DOK1: variants seen among roughly 807,000 people sequenced by gnomAD.
DOK1 encodes docking protein 1.
A neutral mutation model predicts 24.0 loss-of-function variants in DOK1; 12 were observed. That is an observed-to-expected ratio of 0.50 (90% CI 0.32 to 0.81). The LOEUF (loss-of-function observed/expected upper bound fraction) is 0.81, where lower values mean the gene tolerates loss of function less well. DOK1 is among the 30% of genes least tolerant of loss of function. The probability of loss-of-function intolerance (pLI) is 0.03; values close to 1 mark genes in which losing one functional copy is unlikely to be tolerated. For synonymous variants in DOK1, 250 were observed against 260.9 expected, an observed-to-expected ratio of 0.96 and a Z score of 0.40; for missense variants, 591 against 620.7, an observed-to-expected ratio of 0.95 and a Z score of 0.51.
rs1558637651 is a variant in DOK1, at chr2:74,556,621, CCTTGGACAG to C, written c.955_963del (p.Leu319_Ser321del). ...TCCCAGGACTCCCTATACTCAGACCCCTTGGACAGCACGTCTGCTCAGGCAGGAGAGGGA... is the reference window on the plus strand; with the variant it reads ...TCCCAGGACTCCCTATACTCAGACCCCACGTCTGCTCAGGCAGGAGAGGGA... On this transcript the variant is annotated inframe_deletion, in exon 5 of 5. Transcript: ENST00000233668. This position sits in a 1 kb window ranked among gnomAD's most constrained non-coding sequence, Gnocchi z 4.1. 2.5e-6 allele frequency: 4 copies of C among 1,614,262 alleles called. No homozygotes were observed. The highest frequency in any genetic ancestry group is 1.6e-4 in the Middle Eastern group (1 of 6,062).
At chr2:74,550,358 G>C, upstream of DOK1, 1 of 1,611,524 alleles carries the variant, frequency 6.2e-7, no homozygotes, top group Non-Finnish European at 8.5e-7. Context: ...CCTGTGGAAG[G>C]GGAGATGAAG....
chr2:74,555,275 A>T lies in DOK1; in HGVS notation c.182A>T (p.Asp61Val). The T allele has an allele frequency of 6.2e-7, 1 of 1,614,004 alleles. No homozygotes were observed. The highest frequency in any genetic ancestry group is 8.5e-7 in the Non-Finnish European group (1 of 1,179,998). ...GGGRGSSRRL[D>V]CKVIRLAECV... is the part of the protein sequence containing the mutation. ...GGCCGAGGGAGCTCGCGCCGCCTGGACTGCAAAGTGATCCGTCTGGCTGAG... is the reference window on the plus strand; with the variant it reads ...GGCCGAGGGAGCTCGCGCCGCCTGGTCTGCAAAGTGATCCGTCTGGCTGAG... Residue 61 changes from aspartate (D) to valine (V), a missense_variant, in exon 2 of 5, where the codon GAC (aspartate) becomes GTC (valine). Coordinates refer to ENST00000233668, the MANE Select transcript of DOK1 (RefSeq NM_001381.5). This position sits in a 1 kb window ranked among gnomAD's most constrained non-coding sequence, Gnocchi z 6.1.
At position 74,556,691 on chromosome 2, in the gene DOK1, T is replaced by C; in HGVS notation, c.1023T>C (p.Tyr341=). 1 of 1,614,246 alleles carries C rather than the reference T, an allele frequency of 6.2e-7. No individual in the cohort carries two copies. Among genetic ancestry groups the C allele is most frequent in the Non-Finnish European group, 8.5e-7 (1 of 1,180,048 alleles). Residue 341 remains tyrosine (Y), a synonymous_variant, in exon 5 of 5, where the codon TAT becomes TAC. Transcript: ENST00000233668. This position sits in a 1 kb window ranked among gnomAD's most constrained non-coding sequence, Gnocchi z 4.1. The part of the protein sequence containing the change: ...QRKKPLYWDL[Y]EHAQQQLLKA... ...AGAAACCTCTCTATTGGGACTTGTA[T>C]GAGCATGCGCAGCAGCAGTTGCTGA...
chr2:74,552,182 G>GTTTGTCA, upstream of DOK1: 1 of 769,608 alleles, frequency 1.3e-6, no homozygotes, highest in Middle Eastern at 3.9e-4. Flanking sequence ...ATGTTGCTTG[G>GTTTGTCA]TTTGTCATCC....
At chr2:74,554,395 C>A (rs925210114), upstream of DOK1, 3 of 258,660 alleles carry the variant, frequency 1.2e-5, no homozygotes, top group Non-Finnish European at 2.2e-5. The surrounding 1 kb of genome is among the most constrained non-coding windows in gnomAD (Gnocchi z 4.9). Context: ...CTCTCCGGTG[C>A]CCGGGGCGCT....
At chr2:74,550,029 A>AC (rs976575420), upstream of DOK1, 1 of 985,308 alleles carries the variant, frequency 1.0e-6, no homozygotes, top group Admixed American at 6.1e-5. Flanking sequence ...GTTGGATTTT[A>AC]CAGCATCTGG....
rs910621810 is a variant in DOK1, at chr2:74,554,768, T to A, written c.14T>A (p.Val5Glu). 2.5e-6 allele frequency: 4 copies of A among 1,613,128 alleles called. No homozygotes were observed. In the African/African-American group the frequency reaches 5.3e-5, roughly 22 times the overall value. ...CCGCCGGGGGCCATGGACGGAGCAG[T>A]GATGGAAGGGCCGCTTTTTTTGCAG... MDGA[V>E]MEGPLFLQSQ... Residue 5 changes from valine (V) to glutamate (E), a missense_variant, in exon 1 of 5, where the codon GTG (valine) becomes GAG (glutamate). Val to Glu is a moderately radical substitution (Grantham distance 121). Coordinates refer to ENST00000233668, the MANE Select transcript of DOK1 (RefSeq NM_001381.5). This position sits in a 1 kb window ranked among gnomAD's most constrained non-coding sequence, Gnocchi z 4.9.
upstream of DOK1, among the ~76,000 whole-genome samples, chr2:74,553,659 A>G (rs1385790803): frequency 2.0e-5 from 3 of 151,924 alleles, no homozygotes; most frequent in Non-Finnish European, 2.9e-5. Context: ...CCCCTCCCTT[A>G]GGGCGCTCCT....
chr2:74,551,764 G>T (rs1194440704), upstream of DOK1, among the ~76,000 whole-genome samples: 1 of 152,264 alleles, frequency 6.6e-6, no homozygotes, highest in African/African-American at 2.4e-5. Flanking sequence ...CCCACTGTGG[G>T]TTCATACCAT....
rs1404246132 is a variant in DOK1 at position 74,555,417 on chromosome 2, A to C, written c.324A>C (p.Ala108=). The C allele has an allele frequency of 6.2e-7, 1 of 1,611,250 alleles. No homozygotes were observed. The stretch of plus-strand genomic sequence containing the variant: ...TGGCGGCCGACGCGCCGTCCAGTGC[A>C]GCCTGGGTGCAGACGCTGTGCCGAA... ...HLLAADAPSS[A]AWVQTLCRNA... is the part of the protein sequence containing the mutation. The change falls in exon 2 of 5, where the codon GCA becomes GCC. Residue 108 remains alanine (A), a synonymous_variant. Coordinates refer to ENST00000233668, the MANE Select transcript of DOK1 (RefSeq NM_001381.5). This position sits in a 1 kb window ranked among gnomAD's most constrained non-coding sequence, Gnocchi z 6.1.
chr2:74,552,335 A>G (rs1313880581), upstream of DOK1: 3 of 1,599,192 alleles, frequency 1.9e-6, no homozygotes, highest in African/African-American at 2.7e-5. Flanking sequence ...TTCCAGGGCC[A>G]TATTTGGCAC....
chr2:74,551,959 T>C (rs184668734), upstream of DOK1, among the ~76,000 whole-genome samples: 4 of 152,386 alleles, frequency 2.6e-5, no homozygotes, highest in East Asian at 7.7e-4. Context: ...CATCCAGATA[T>C]CATTTACCTG....
Position 74,556,341 on chromosome 2 carries a change from C to T in DOK1, c.673C>T (p.Pro225Ser), listed in dbSNP as rs865798403. The T allele has an allele frequency of 1.2e-6, 2 of 1,613,248 alleles. No homozygotes were observed. The highest frequency in any genetic ancestry group is 1.7e-6 in the Non-Finnish European group (2 of 1,179,720). Residue 225 changes from proline (P) to serine (S), a missense_variant, in exon 5 of 5, where the codon CCC (proline) becomes TCC (serine). Transcript: ENST00000233668. The surrounding 1 kb of genome is among the most constrained non-coding windows in gnomAD (Gnocchi z 4.1). ...MFSFEAGRRC[P>S]SGPGTFTFQT... is the part of the protein sequence containing the mutation. ...CTCTTTCGAGGCCGGCCGCCGCTGC[C>T]CCTCAGGCCCTGGAACCTTCACCTT... is the stretch of plus-strand genomic sequence containing the variant.
chr2:74,557,168 G>T lies in DOK1; in HGVS notation c.*54G>T. ...GGGGACCATGGGGAGGTGGCACTAG[G>T]GATCAAAGAAGATGGTTAGAACCAG... On this transcript the variant is annotated 3_prime_UTR_variant, in exon 5 of 5. Coordinates refer to ENST00000233668, the MANE Select transcript of DOK1 (RefSeq NM_001381.5). The T allele has an allele frequency of 6.5e-7, 1 of 1,538,132 alleles. No individual in the cohort carries two copies.
chr2:74,553,034 G>GACAGAAAGACAAAACC (rs1677124141), upstream of DOK1: 1 of 198,968 alleles, frequency 5.0e-6, no homozygotes, highest in Non-Finnish European at 1.0e-5. Flanking sequence ...AGACACAGAG[G>GACAGAAAGACAAAACC]AGAGAGACAA....
chr2:74,556,539 A>C lies in DOK1; in HGVS notation c.871A>C (p.Ser291Arg). The C allele has an allele frequency of 6.2e-7, 1 of 1,614,176 alleles. No homozygotes were observed. The highest frequency in any genetic ancestry group is 8.5e-7 in the Non-Finnish European group (1 of 1,180,030). ...ACCTGGCCCCCAAGAGCTCCTCGAC[A>C]GTCCCCCAGCCCTGTATGCTGAGCC... ...SPPGPQELLDSPPALYAEPLD... is the reference protein window; with the variant it reads ...SPPGPQELLDRPPALYAEPLD... The change falls in exon 5 of 5, where the codon AGT (serine) becomes CGT (arginine). Residue 291 changes from serine (S) to arginine (R), a missense_variant. Ser to Arg is a moderately radical substitution (Grantham distance 110). Transcript: ENST00000233668. This position sits in a 1 kb window ranked among gnomAD's most constrained non-coding sequence, Gnocchi z 4.1.
chr2:74,555,999 C>A lies in DOK1; in HGVS notation c.560C>A (p.Thr187Asn). The A allele has an allele frequency of 6.2e-7, 1 of 1,613,898 alleles. No individual in the cohort carries two copies. Among genetic ancestry groups the A allele is most frequent in the South Asian group, 1.1e-5 (1 of 91,054 alleles). The change falls in exon 4 of 5, where the codon ACC (threonine) becomes AAC (asparagine). Residue 187 changes from threonine (T) to asparagine (N), a missense_variant. Transcript: ENST00000233668. This position sits in a 1 kb window ranked among gnomAD's most constrained non-coding sequence, Gnocchi z 6.1. ...GAGGCTGAAAGGCTGACTCTCCTGA[C>A]CGTGGGGGCCCAGAGTCAGATACTG... Reference protein sequence around the residue: ...RVEAERLTLLTVGAQSQILEP... With the variant: ...RVEAERLTLLNVGAQSQILEP...
In DOK1 at chr2:74,556,656, G is replaced by C; in HGVS notation, c.988G>C (p.Val330Leu). The C allele has an allele frequency of 6.2e-7, 1 of 1,614,268 alleles. No homozygotes were observed. Among genetic ancestry groups the C allele is most frequent in the African/African-American group, 1.3e-5 (1 of 75,072 alleles). Residue 330 changes from valine (V) to leucine (L), a missense_variant, in exon 5 of 5, where the codon GTA (valine) becomes CTA (leucine). Transcript: ENST00000233668. The surrounding 1 kb of genome is among the most constrained non-coding windows in gnomAD (Gnocchi z 4.1). ...DSTSAQAGEGVQRKKPLYWDL... is the reference protein window; with the variant it reads ...DSTSAQAGEGLQRKKPLYWDL... ...CACGTCTGCTCAGGCAGGAGAGGGA[G>C]TACAACGGAAGAAACCTCTCTATTG...
chr2:74,552,849 G>T, upstream of DOK1: 1 of 550,360 alleles, frequency 1.8e-6, no homozygotes, highest in Non-Finnish European at 3.2e-6. Flanking sequence ...AGGTCATAGA[G>T]GCACAGCCTG....
Sources: gnomAD v4.1 joint callset for allele counts (sites outside exome capture counted in the v4.1 genomes callset) on GRCh38, gnomAD v4.1.1 for gene constraint, Gnocchi (gnomAD v3.1) non-coding constraint, MANE v1.5 for transcripts, NCBI Gene and HGNC (gene_info 2026-07-23, HGNC 2026-07-21) for gene names.